TF: variants seen among roughly 807,000 people sequenced by gnomAD.
The protein encoded by TF is serotransferrin.
A neutral mutation model predicts 82.4 loss-of-function variants in TF; 55 were observed. The ratio of observed to expected loss-of-function variants is 0.67; its 90% CI spans 0.54 to 0.84. TF has a LOEUF of 0.84. TF is among the 40% of genes least tolerant of loss of function. The pLI is 0.00. For missense variants in TF, 737 were observed against 868.4 expected, an observed-to-expected ratio of 0.85 and a Z score of 1.90; for synonymous variants, 332 against 332.6, an observed-to-expected ratio of 1.00 and a Z score of 0.02.
In TF at chr3:133,784,427, A is replaced by G. The variant is rs1934598317; in HGVS notation, c.*5807A>G. Reference sequence around the variant, plus strand: ...GTGTAAAGAGGTTGTGACTTATGATAGAGTTAGAAAATCACACATCTTGTA... The same window carrying G: ...GTGTAAAGAGGTTGTGACTTATGATGGAGTTAGAAAATCACACATCTTGTA... On this transcript the variant is annotated 3_prime_UTR_variant, in exon 17 of 17. Transcript: ENST00000402696. The G allele has an allele frequency of 6.6e-6, 1 of 150,918 alleles. No homozygotes were observed. Among genetic ancestry groups the G allele is most frequent in the Non-Finnish European group, 1.5e-5 (1 of 67,820 alleles). 9.3% of individuals were successfully genotyped at this position (150,918 alleles called of 1,614,324 possible). A position where few individuals can be genotyped will look rare whatever the true frequency, so the allele number is the denominator to read the frequency against.
At chr3:133,685,455 A>C in the TF span, among the ~76,000 whole-genome samples, 2 of 152,210 alleles carry the variant, frequency 1.3e-5, no homozygotes, top group African/African-American at 4.8e-5. Context: ...AGAAAACCCC[A>C]TCGTCTCAGC....
chr3:133,789,861 C>G lies in TF; in HGVS notation c.*11241C>G, dbSNP rs1484809629. 1 of 114,778 alleles carries G rather than the reference C, an allele frequency of 8.7e-6. No homozygotes were observed. The highest frequency in any genetic ancestry group is 1.7e-5 in the Non-Finnish European group (1 of 57,538). The allele number at this position is 114,778 out of a possible 1,614,324, so 7.1% of individuals were successfully genotyped here. A position where few individuals can be genotyped will look rare whatever the true frequency, so the allele number is the denominator to read the frequency against. On this transcript the variant is annotated 3_prime_UTR_variant, in exon 17 of 17. Transcript: ENST00000402696. Reference sequence around the variant, plus strand: ...TATAAAACTATAAACCCAGCCAAAACAAAACGATCTCGTTTGCGTTTTTTT... The same window carrying G: ...TATAAAACTATAAACCCAGCCAAAAGAAAACGATCTCGTTTGCGTTTTTTT...
At chr3:133,672,122 G>A in the TF span, among the ~76,000 whole-genome samples, 33 of 152,146 alleles carry the variant, frequency 2.2e-4, 1 homozygote, top group African/African-American at 6.0e-4. Flanking sequence ...TAGATAAAAT[G>A]GACAAATTTC....
In TF at chr3:133,790,095, A is replaced by G. The variant is rs935558173; in HGVS notation, c.*11475A>G. ...TTCGGTTTACAGAGGTAATCTAGAT[A>G]AACTGTTAAAAGTGAAACAATTGAG... On this transcript the variant is annotated 3_prime_UTR_variant, in exon 17 of 17. Transcript: ENST00000402696. 7.9e-5 allele frequency: 12 copies of G among 152,194 alleles called. No individual in the cohort carries two copies. The highest frequency in any genetic ancestry group is 2.9e-4 in the African/African-American group (12 of 41,466). 9.4% of individuals were successfully genotyped at this position (152,194 alleles called of 1,614,324 possible).
chr3:133,705,933 G>T, the TF span, among the ~76,000 whole-genome samples: 1 of 152,174 alleles, frequency 6.6e-6, no homozygotes, highest in Admixed American at 6.5e-5. Context: ...TATTTGCAGG[G>T]CACTTTATAG....
chr3:133,778,636 G>GCTGC lies in TF; in HGVS notation c.*18_*21dup, dbSNP rs772619596. On this transcript the variant is annotated 3_prime_UTR_variant, in exon 17 of 17. Transcript: ENST00000402696. ...TAGACCTTAAAATCTCAGAGGTAGGGCTGCCACCAAGGTGAAGATGGGAAC... is the reference window on the plus strand; with the variant it reads ...TAGACCTTAAAATCTCAGAGGTAGGGCTGCCTGCCACCAAGGTGAAGATGGGAAC... The GCTGC allele has an allele frequency of 1.2e-6, 2 of 1,613,110 alleles. No homozygotes were observed. The highest frequency in any genetic ancestry group is 1.7e-6 in the Non-Finnish European group (2 of 1,179,392).
At chr3:133,769,272 A>C (rs1008411014) in intron 13 of TF, among the ~76,000 whole-genome samples, 9 of 152,198 alleles carry the variant, frequency 5.9e-5, no homozygotes, top group African/African-American at 2.2e-4. Context: ...ATTAAGTACA[A>C]TTCACATTCC....
chr3:133,755,578 G>T lies in TF; in HGVS notation c.635+83G>T, dbSNP rs1367552064. The T allele has an allele frequency of 3.2e-6, 5 of 1,587,162 alleles. 1 individual carries two copies. In the Admixed American group the frequency reaches 8.5e-5, roughly 27 times the overall value. On this transcript the variant is annotated intron_variant, in intron 5 of 16. Transcript: ENST00000402696. ...GAGTTCTTTGCTGGTCCAAAGCCGA[G>T]CCCTGCCTGCCTACAGGGGCATCGA...
At chr3:133,740,263 C>T in the TF span, among the ~76,000 whole-genome samples, 1 of 152,084 alleles carries the variant, frequency 6.6e-6, no homozygotes, top group Non-Finnish European at 1.5e-5. Flanking sequence ...TGTTCTCACT[C>T]ATAAGTGGGA....
In TF at chr3:133,788,806, C is replaced by T. The variant is rs1934757112; in HGVS notation, c.*10186C>T. The T allele has an allele frequency of 6.6e-6, 1 of 152,268 alleles. No individual in the cohort carries two copies. The highest frequency in any genetic ancestry group is 1.5e-5 in the Non-Finnish European group (1 of 68,088). The allele number at this position is 152,268 out of a possible 1,614,324, so 9.4% of individuals were successfully genotyped here. A position where few individuals can be genotyped will look rare whatever the true frequency, so the allele number is the denominator to read the frequency against. On this transcript the variant is annotated 3_prime_UTR_variant, in exon 17 of 17. Transcript: ENST00000402696. The stretch of plus-strand genomic sequence containing the variant: ...GGCGCAGCTCAGGGCAAACTTGCAG[C>T]TCAGGGTGAACTTGCATGTGTTTCA...
intron 9 of TF, chr3:133,762,071 A>T (rs1041641260): frequency 5.3e-6 from 1 of 189,528 alleles, no homozygotes; most frequent in Admixed American, 4.9e-5. Flanking sequence ...GACAGAAGTG[A>T]TTATGTCCTA....
At chr3:133,759,698 A>G (rs1185549782) in intron 9 of TF, among the ~76,000 whole-genome samples, 1 of 152,132 alleles carries the variant, frequency 6.6e-6, no homozygotes, top group Non-Finnish European at 1.5e-5. Flanking sequence ...TGTTGATCAA[A>G]AGAGTATCCT....
At chr3:133,711,038 C>T in the TF span, among the ~76,000 whole-genome samples, 29 of 152,352 alleles carry the variant, frequency 1.9e-4, 1 homozygote, top group Middle Eastern at 3.4e-3. Context: ...TTCCTCATTT[C>T]GCCCTAAAAT....
At chr3:133,756,040 C>T (rs1041695698) in intron 5 of TF, among the ~76,000 whole-genome samples, 1 of 152,202 alleles carries the variant, frequency 6.6e-6, no homozygotes, top group Non-Finnish European at 1.5e-5. Context: ...AAGCTCTTTT[C>T]ACATGAAAAT....
chr3:133,745,994 T>C (rs1933485662), upstream of TF: 2 of 262,726 alleles, frequency 7.6e-6, no homozygotes, highest in Non-Finnish European at 1.5e-5. Context: ...GTGTGGGGTC[T>C]GGGCGCAGTT....
the TF span, among the ~76,000 whole-genome samples, chr3:133,705,129 G>A: frequency 6.6e-6 from 1 of 152,148 alleles, no homozygotes; most frequent in Non-Finnish European, 1.5e-5. Flanking sequence ...ACAAAAATTA[G>A]CAGGGCATGG....
At chr3:133,769,123 C>T (rs1348855734) in intron 13 of TF, among the ~76,000 whole-genome samples, 1 of 152,098 alleles carries the variant, frequency 6.6e-6, no homozygotes, top group Non-Finnish European at 1.5e-5. Flanking sequence ...ACCCATTCTG[C>T]TTTAGGCCTT....
chr3:133,747,784 C>A (rs1933544644), intron 1 of TF, among the ~76,000 whole-genome samples: 1 of 152,160 alleles, frequency 6.6e-6, no homozygotes, highest in African/African-American at 2.4e-5. Context: ...CAAATTAATT[C>A]TTTTCGTTAA....
the TF span, among the ~76,000 whole-genome samples, chr3:133,662,947 C>T: frequency 6.6e-6 from 1 of 152,106 alleles, no homozygotes; most frequent in Non-Finnish European, 1.5e-5. Context: ...TTTGAATACA[C>T]CGATGGAAGG....
Sources: allele counts gnomAD v4.1 joint callset (sites outside exome capture counted in the v4.1 genomes callset), GRCh38; gene constraint gnomAD v4.1.1; transcripts MANE v1.5; gene names NCBI Gene and HGNC (gene_info 2026-07-23, HGNC 2026-07-21).